RABEP2: variants seen among roughly 807,000 people sequenced by gnomAD.
RABEP2 encodes rabaptin, RAB GTPase binding effector protein 2.
RABEP2 carries 57 observed loss-of-function variants against 74.1 expected under a neutral mutation model. The ratio of observed to expected loss-of-function variants is 0.77; its 90% CI spans 0.62 to 0.96. RABEP2 has a LOEUF of 0.96. Among genes scored for constraint, RABEP2 ranks in the 40% least tolerant of loss-of-function variants. RABEP2 has a pLI of 0.00. For missense variants in RABEP2, 692 were observed against 756.3 expected (o/e 0.91, Z 1.00); for synonymous variants, 351 against 344.0 (o/e 1.02, Z -0.23).
rs1267076198 is a variant in RABEP2 at position 28,911,089 on chromosome 16, T to C, written c.985A>G (p.Lys329Glu). Residue 329 changes from lysine (K) to glutamate (E), a missense_variant, in exon 6 of 13, where the codon AAG becomes GAG. Lys to Glu is a moderately conservative substitution (Grantham distance 56, BLOSUM62 1). Transcript: ENST00000358201. ...GLRRSNEDCA[K>E]QMQVLLAQVQ... ...CAGCAGCGGCAGGGACCCACCTGCT[T>C]GGCACAGTCCTCATTGCTCCGTCTC... 1 of 1,613,240 alleles carries C rather than the reference T, an allele frequency of 6.2e-7. No individual in the cohort carries two copies. The highest frequency in any genetic ancestry group is 2.2e-5 in the East Asian group (1 of 44,878).
At chr16:28,924,638 T>A (rs1964509928) in intron 1 of RABEP2, 23 bp from the exon 2 acceptor site, 1 of 1,588,740 alleles carries the variant, frequency 6.3e-7, no homozygotes, top group South Asian at 1.1e-5. Flanking sequence ...GGGATCAGCC[T>A]CTCTTCCCAT....
At chr16:28,921,929 C>T (rs1964472690) in intron 2 of RABEP2, among the ~76,000 whole-genome samples, 1 of 151,954 alleles carries the variant, frequency 6.6e-6, no homozygotes, top group Non-Finnish European at 1.5e-5. Context: ...TGTGCCACCG[C>T]ACTTCAGCCT....
At chr16:28,905,623 C>T (rs759983091) in intron 11 of RABEP2, 81 bp downstream of exon 11, 4 of 1,508,842 alleles carry the variant, frequency 2.7e-6, no homozygotes, top group Non-Finnish European at 3.6e-6. Context: ...CTGAGGGAGA[C>T]ACAGAGGGCG....
At chr16:28,915,380 C>A (rs1314701266) in intron 3 of RABEP2, among the ~76,000 whole-genome samples, 1 of 151,036 alleles carries the variant, frequency 6.6e-6, no homozygotes, top group Non-Finnish European at 1.5e-5. Context: ...CAATGGCCAG[C>A]ACACTTCACA....
intron 8 of RABEP2, 45 bp downstream of exon 8, chr16:28,908,564 G>A (rs752008223): frequency 2.6e-6 from 4 of 1,547,728 alleles, no homozygotes; most frequent in Non-Finnish European, 3.5e-6. Context: ...GGAAGAAGGG[G>A]CCCTCACGGT....
rs1345820987 is a variant in RABEP2, at chr16:28,925,206, G to C, written c.-43C>G. ...CGGATTCCCGCACTCCCTGGTGACG[G>C]AGCGCACCGCTTCCGGGTCCTCTCG... On this transcript the variant is annotated 5_prime_UTR_variant, in exon 1 of 13. Transcript: ENST00000358201. The C allele has an allele frequency of 6.6e-7, 1 of 1,511,176 alleles. No homozygotes were observed. The highest frequency in any genetic ancestry group is 1.4e-5 in the African/African-American group (1 of 71,416). 93.6% of individuals were successfully genotyped at this position (1,511,176 alleles called of 1,614,324 possible).
Position 28,924,367 on chromosome 16 carries a change from G to A in RABEP2, c.274+36C>T, listed in dbSNP as rs1376457394. 7 of 1,564,568 alleles carry A rather than the reference G, an allele frequency of 4.5e-6. No individual in the cohort carries two copies. In the Admixed American group the frequency reaches 1.2e-4, roughly 26 times the overall value. Reference sequence around the variant, plus strand: ...TCTCGTCATGCACTCCCCAGTATGGGGTTGATGGGGAGTCTAGGTGAGTCC... The same window carrying A: ...TCTCGTCATGCACTCCCCAGTATGGAGTTGATGGGGAGTCTAGGTGAGTCC... On this transcript the variant is annotated intron_variant, in intron 2 of 12. Transcript: ENST00000358201.
chr16:28,916,811 C>T (rs560373063), intron 3 of RABEP2, among the ~76,000 whole-genome samples: 1 of 151,874 alleles, frequency 6.6e-6, no homozygotes, highest in Admixed American at 6.6e-5. Flanking sequence ...TGGTGAAACC[C>T]CATCTCTACT....
intron 2 of RABEP2, chr16:28,921,105 C>T (rs557654708): frequency 2.0e-5 from 9 of 450,204 alleles, no homozygotes; most frequent in Non-Finnish European, 4.0e-5. Flanking sequence ...CTCAAGCAAT[C>T]CTCCCGTCTC....
intron 2 of RABEP2, chr16:28,924,017 C>A: frequency 3.7e-6 from 1 of 271,858 alleles, no homozygotes; most frequent in Non-Finnish European, 7.2e-6. Context: ...GAGAGCAGAG[C>A]ATTAGACTCA....
intron 3 of RABEP2, 51 bp from the exon 4 acceptor site, chr16:28,914,833 G>T: frequency 6.5e-7 from 1 of 1,533,004 alleles, no homozygotes; most frequent in Non-Finnish European, 9.0e-7. Flanking sequence ...AAGTGCTGAA[G>T]CCCCGGGTCT....
At position 28,925,095 on chromosome 16, in the gene RABEP2, T is replaced by C. The variant is rs1384355520; in HGVS notation, c.61+8A>G. The C allele has an allele frequency of 6.6e-7, 1 of 1,520,602 alleles. No individual in the cohort carries two copies. The highest frequency in any genetic ancestry group is 8.7e-7 in the Non-Finnish European group (1 of 1,145,406). The allele number at this position is 1,520,602 out of a possible 1,614,324, so 94.2% of individuals were successfully genotyped here. A position where few individuals can be genotyped will look rare whatever the true frequency, so the allele number is the denominator to read the frequency against. On this transcript the variant is annotated splice_region_variant and intron_variant, in intron 1 of 12. Transcript: ENST00000358201. ...GTTCCCCGCTTGCACGGACGCCCCCTCACGTACCAGCCCCCGGCCGCCGCC... is the reference window on the plus strand; with the variant it reads ...GTTCCCCGCTTGCACGGACGCCCCCCCACGTACCAGCCCCCGGCCGCCGCC...
Position 28,914,335 on chromosome 16 carries a change from C to A in RABEP2, c.795G>T (p.Ser265=). Residue 265 remains serine (S), a synonymous_variant, in exon 5 of 13, where the codon TCG becomes TCT. Transcript: ENST00000358201. ...GAACCAGGGTGCCCGTAGACACCAG[C>A]GAGGCCGTCTCTTCCTGTTCAGGGC... The part of the protein sequence containing the change: ...GLSPEQEETA[S]LVSTGTLVPE... The A allele has an allele frequency of 1.2e-5, 20 of 1,613,362 alleles. No individual in the cohort carries two copies. Among genetic ancestry groups the A allele is most frequent in the Non-Finnish European group, 1.7e-5 (20 of 1,180,036 alleles).
rs574614493 is a variant in RABEP2 at position 28,918,119 on chromosome 16, T to TGGGA, written c.432+1663_432+1666dup. The stretch of plus-strand genomic sequence containing the variant: ...ACGGAGTCTCGCTCTGTCGCCCAGG[T>TGGGA]GGGACTGCGGACTGCAGTGGCGCAA... On this transcript the variant is annotated intron_variant, in intron 3 of 12. Coordinates refer to ENST00000358201, the MANE Select transcript of RABEP2 (RefSeq NM_024816.3). 2.4e-4 allele frequency among the ~76,000 whole-genome samples: 31 copies of TGGGA among 129,200 alleles called. No homozygotes were observed. In the East Asian group the frequency reaches 7.9e-3, roughly 33 times the overall value. 84.8% of individuals were successfully genotyped at this position (129,200 alleles called of 152,430 possible).
Position 28,914,678 on chromosome 16 carries a change from C to T in RABEP2, c.537G>A (p.Glu179=). The T allele has an allele frequency of 6.2e-7, 1 of 1,614,114 alleles. No individual in the cohort carries two copies. ...KLLRAEELIQ[E]IQRRPRHAPS... The stretch of plus-strand genomic sequence containing the variant: ...CCCCTGGCCGTGCCCTCACCTGGAT[C>T]TCCTGAATCAGCTCCTCGGCCCTCA... Residue 179 remains glutamate (E), a synonymous_variant, in exon 4 of 13, where the codon GAG becomes GAA. Transcript: ENST00000358201.
intron 8 of RABEP2, 40 bp from the exon 9 acceptor site, chr16:28,906,236 G>A (rs1289526827): frequency 6.7e-7 from 1 of 1,500,454 alleles, no homozygotes. Flanking sequence ...GCTGGGGCAG[G>A]AGGGCAGGAG....
chr16:28,910,975 G>C lies in RABEP2; in HGVS notation c.1002C>G (p.Leu334=). The C allele has an allele frequency of 6.2e-7, 1 of 1,611,138 alleles. No individual in the cohort carries two copies. The highest frequency in any genetic ancestry group is 8.5e-7 in the Non-Finnish European group (1 of 1,178,110). The change falls in exon 7 of 13, where the codon CTC becomes CTG. Residue 334 remains leucine (L), a synonymous_variant. Transcript: ENST00000358201. ...GCTCTGAGTTCTGGACCTGGGCCAG[G>C]AGCACCTGCATCTGGGTTGGAGGGA... ...NEDCAKQMQV[L]LAQVQNSEQL... is the part of the protein sequence containing the mutation.
intron 1 of RABEP2, 75 bp from the exon 2 acceptor site, chr16:28,924,690 C>G (rs1447236801): frequency 1.5e-6 from 2 of 1,367,938 alleles, no homozygotes; most frequent in Non-Finnish European, 2.0e-6. Context: ...AGTCCTGCAA[C>G]CTAGTACTGT....
chr16:28,911,055 C>G, intron 6 of RABEP2, 29 bp downstream of exon 6: 1 of 1,605,224 alleles, frequency 6.2e-7, no homozygotes, highest in African/African-American at 1.3e-5. Context: ...CAGAGGCCGG[C>G]TGGGGCTGCA....
Sources: allele counts gnomAD v4.1 joint callset (sites outside exome capture counted in the v4.1 genomes callset), GRCh38; gene constraint gnomAD v4.1.1; transcripts MANE v1.5; gene names NCBI Gene and HGNC (gene_info 2026-07-23, HGNC 2026-07-21).